Variants in SYT7 observed in about 807,000 individuals in gnomAD.
The protein encoded by SYT7 is synaptotagmin 7.
SYT7 carries 29 observed loss-of-function variants against 75.1 expected under a neutral mutation model. The ratio of observed to expected loss-of-function variants is 0.39; its 90% CI spans 0.29 to 0.53. SYT7 has a LOEUF of 0.53. Among genes scored for constraint, SYT7 ranks in the 20% least tolerant of loss-of-function variants. The probability of loss-of-function intolerance (pLI) is 0.77; values close to 1 mark genes in which losing one functional copy is unlikely to be tolerated. For synonymous variants in SYT7, 376 were observed against 401.7 expected (o/e 0.94, Z 0.76); for missense variants, 693 against 953.2 (o/e 0.73, Z 3.59).
At position 61,522,350 on chromosome 11, in the gene SYT7, C is replaced by G. The variant is rs186360151; in HGVS notation, c.1956+725G>C. 1.5e-3 allele frequency among the ~76,000 whole-genome samples: 221 copies of G among 151,938 alleles called. 1 individual carries two copies. In the Middle Eastern group the frequency reaches 0.038, roughly 26 times the overall value. On this transcript the variant is annotated intron_variant, in intron 12 of 12. Transcript: ENST00000539008. ...GATTACAGGCACCCGCCACCATGCCCGGCTAATTTTTCTATTTTTAGTAGA... is the reference window on the plus strand; with the variant it reads ...GATTACAGGCACCCGCCACCATGCCGGGCTAATTTTTCTATTTTTAGTAGA...
chr11:61,528,278 G>A (rs1038864283), intron 8 of SYT7, 93 bp from the exon 9 acceptor site: 45 of 1,480,236 alleles, frequency 3.0e-5, no homozygotes, highest in Admixed American at 1.5e-4. Context: ...GGCCAGAGGC[G>A]GTGGCCCAGC....
chr11:61,518,661 T>C lies in SYT7; in HGVS notation c.2027A>G (p.Gln676Arg). The C allele has an allele frequency of 6.5e-7, 1 of 1,549,506 alleles. No homozygotes were observed. The highest frequency in any genetic ancestry group is 8.7e-7 in the Non-Finnish European group (1 of 1,145,948). The change falls in exon 13 of 13, where the codon CAG becomes CGG. Residue 676 changes from glutamine to arginine, a missense_variant. Transcript: ENST00000539008. ...CAGCTGGTGCCACTGGGCCACGGGC[T>C]GCCGGGGACGGGCAATCATGTCCTT... The part of the protein sequence containing the change: ...HWKDMIARPR[Q>R]PVAQWHQLKA
chr11:61,546,299 G>A lies in SYT7; in HGVS notation c.348-44C>T. ...CAGCCAGGCCAGAGGGGCACCGGGG[G>A]TGGCGGTGGGGGAGAGAGGGCAGGC... On this transcript the variant is annotated intron_variant, in intron 4 of 12. Coordinates refer to ENST00000539008, the MANE Select transcript of SYT7 (RefSeq NM_001365809.2). This position sits in a 1 kb window ranked among gnomAD's most constrained non-coding sequence, Gnocchi z 7.6. The A allele has an allele frequency of 2.2e-6, 3 of 1,354,298 alleles. No individual in the cohort carries two copies. The highest frequency in any genetic ancestry group is 2.9e-6 in the Non-Finnish European group (3 of 1,041,484). 83.9% of individuals were successfully genotyped at this position (1,354,298 alleles called of 1,614,324 possible). A position where few individuals can be genotyped will look rare whatever the true frequency, so the allele number is the denominator to read the frequency against.
At chr11:61,520,384 G>A (rs2062284072) in intron 12 of SYT7, among the ~76,000 whole-genome samples, 2 of 152,122 alleles carry the variant, frequency 1.3e-5, no homozygotes, top group Admixed American at 6.5e-5. Flanking sequence ...AAATTAGCTG[G>A]GCATGGTGGT....
At chr11:61,583,510 C>T (rs2064325143), upstream of SYT7, among the ~76,000 whole-genome samples, 1 of 152,200 alleles carries the variant, frequency 6.6e-6, no homozygotes, top group South Asian at 2.1e-4. Context: ...GGAACTGACC[C>T]AGGGAGCTAA....
In SYT7 at chr11:61,515,592, C is replaced by A. The variant is rs887882345; in HGVS notation, c.*3035G>T. On this transcript the variant is annotated 3_prime_UTR_variant, in exon 13 of 13. Coordinates refer to ENST00000539008, the MANE Select transcript of SYT7 (RefSeq NM_001365809.2). The stretch of plus-strand genomic sequence containing the variant: ...GAACATACAAACAGTGGCCACCAAT[C>A]CCCACCCCTGGGGCTCCGGGGAGCC... 7.9e-5 allele frequency: 12 copies of A among 151,946 alleles called. No individual in the cohort carries two copies. Among genetic ancestry groups the A allele is most frequent in the African/African-American group, 2.9e-4 (12 of 41,222 alleles). 9.4% of individuals were successfully genotyped at this position (151,946 alleles called of 1,614,324 possible).
intron 12 of SYT7, among the ~76,000 whole-genome samples, chr11:61,521,578 G>T (rs923368942): frequency 6.6e-6 from 1 of 152,186 alleles, no homozygotes; most frequent in Non-Finnish European, 1.5e-5. Context: ...GCAAGCAGGG[G>T]AAGCTCTCCT....
chr11:61,550,299 C>T (rs2063311390), intron 3 of SYT7, among the ~76,000 whole-genome samples: 1 of 151,824 alleles, frequency 6.6e-6, no homozygotes, highest in Admixed American at 6.6e-5. Context: ...AGAAGAGGAC[C>T]TGGGAGGGAG....
In SYT7 at chr11:61,518,964, C is replaced by T. The variant is rs375647329; in HGVS notation, c.1957-233G>A. Among the ~76,000 whole-genome samples, 6 of 152,326 alleles carry T rather than the reference C, an allele frequency of 3.9e-5. No individual in the cohort carries two copies. The East Asian group carries it at 5.8e-4, about 15-fold the overall frequency. On this transcript the variant is annotated intron_variant, in intron 12 of 12. Coordinates refer to ENST00000539008, the MANE Select transcript of SYT7 (RefSeq NM_001365809.2). Reference sequence around the variant, plus strand: ...CCAAGCCTGGGCACGCCAGGCCTCTCGGAATTAGACTGCCAACCTATTTTG... The same window carrying T: ...CCAAGCCTGGGCACGCCAGGCCTCTTGGAATTAGACTGCCAACCTATTTTG...
Position 61,524,424 on chromosome 11 carries a change from T to C in SYT7, c.1580A>G (p.Lys527Arg). 3 of 1,614,040 alleles carry C rather than the reference T, an allele frequency of 1.9e-6. No homozygotes were observed. Among genetic ancestry groups the C allele is most frequent in the Non-Finnish European group, 2.5e-6 (3 of 1,179,950 alleles). ...GGTCTGCATCTGGGTCAGGTCCACC[T>C]TGTTAAGGGGGATGGACACCTCCCC... ...PIGEVSIPLN[K>R]VDLTQMQTFW... The change falls in exon 10 of 13, where the codon AAG becomes AGG. Residue 527 changes from lysine to arginine, a missense_variant. Lys to Arg is a conservative substitution (Grantham distance 26). This residue lies in a region of SYT7 where 206 missense variants were observed against 360.0 expected (regional missense o/e 0.57). Coordinates refer to ENST00000539008, the MANE Select transcript of SYT7 (RefSeq NM_001365809.2). This position sits in a 1 kb window ranked among gnomAD's most constrained non-coding sequence, Gnocchi z 4.1.
At chr11:61,573,432 G>C (rs937618727) in intron 1 of SYT7, among the ~76,000 whole-genome samples, 1 of 152,202 alleles carries the variant, frequency 6.6e-6, no homozygotes, top group Non-Finnish European at 1.5e-5. Flanking sequence ...GGACACTGCA[G>C]ATCTCCTGGC....
At chr11:61,529,910 C>T (rs996945076) in intron 8 of SYT7, among the ~76,000 whole-genome samples, 1 of 152,230 alleles carries the variant, frequency 6.6e-6, no homozygotes, top group African/African-American at 2.4e-5. Context: ...GCGGAGATTA[C>T]AGGCATGAGC....
In SYT7 at chr11:61,542,295, C is replaced by G; in HGVS notation, c.857G>C (p.Gly286Ala). The G allele has an allele frequency of 2.6e-6, 4 of 1,534,552 alleles. No homozygotes were observed. Among genetic ancestry groups the G allele is most frequent in the Non-Finnish European group, 3.5e-6 (4 of 1,146,140 alleles). Residue 286 changes from glycine to alanine, a missense_variant, in exon 6 of 13, where the codon GGG becomes GCG. Physicochemically the swap from Gly to Ala is moderately conservative, Grantham distance 60. Transcript: ENST00000539008. This position sits in a 1 kb window ranked among gnomAD's most constrained non-coding sequence, Gnocchi z 7.8. ...TSAGSKYRAA[G>A]GRSRSNPGSW... ...GCCTGGGTTGGAGCGGCTGCGGCCC[C>G]CTGCCGCCCGGTACTTGGAGCCGGC...
chr11:61,565,661 A>G (rs2063747392), intron 1 of SYT7, among the ~76,000 whole-genome samples: 1 of 152,194 alleles, frequency 6.6e-6, no homozygotes, highest in Non-Finnish European at 1.5e-5. Flanking sequence ...TGGGCCTTGG[A>G]CCTACCCCCA....
chr11:61,549,920 C>T (rs1189081969), intron 3 of SYT7, among the ~76,000 whole-genome samples: 1 of 152,140 alleles, frequency 6.6e-6, no homozygotes, highest in Non-Finnish European at 1.5e-5. Flanking sequence ...CACACGCACC[C>T]CTATCCAGGA....
At chr11:61,556,917 A>G (rs2063515492) in intron 1 of SYT7, among the ~76,000 whole-genome samples, 1 of 148,882 alleles carries the variant, frequency 6.7e-6, no homozygotes, top group African/African-American at 2.5e-5. Flanking sequence ...CCCATCTGTA[A>G]TTCCTAAATG....
At chr11:61,585,104 T>C (rs1590981662), upstream of SYT7, among the ~76,000 whole-genome samples, 1 of 152,200 alleles carries the variant, frequency 6.6e-6, no homozygotes, top group African/African-American at 2.4e-5. Context: ...CAGGAGCAGA[T>C]GCTGGGCCTG....
chr11:61,551,301 C>A lies in SYT7; in HGVS notation c.215+83G>T. Reference sequence around the variant, plus strand: ...GGGAAGTGAAAGTGTGTGGTCAGGTCTGTGGGGCTGGGGGAGAGAAGGGGC... The same window carrying A: ...GGGAAGTGAAAGTGTGTGGTCAGGTATGTGGGGCTGGGGGAGAGAAGGGGC... On this transcript the variant is annotated intron_variant, in intron 3 of 12. Transcript: ENST00000539008. This position sits in a 1 kb window ranked among gnomAD's most constrained non-coding sequence, Gnocchi z 5.3. 7.7e-7 allele frequency: 1 copy of A among 1,301,234 alleles called. No individual in the cohort carries two copies. The highest frequency in any genetic ancestry group is 1.2e-5 in the South Asian group (1 of 82,282). 80.6% of individuals were successfully genotyped at this position (1,301,234 alleles called of 1,614,324 possible). A position where few individuals can be genotyped will look rare whatever the true frequency, so the allele number is the denominator to read the frequency against.
At chr11:61,534,224 C>G (rs770125804) in intron 7 of SYT7, among the ~76,000 whole-genome samples, 1 of 152,206 alleles carries the variant, frequency 6.6e-6, no homozygotes, top group African/African-American at 2.4e-5. Flanking sequence ...GGGAGCCACA[C>G]GCTGAGGGTG....
Sources: gnomAD v4.1 joint callset for allele counts (sites outside exome capture counted in the v4.1 genomes callset) on GRCh38, gnomAD v4.1.1 for gene constraint, gnomAD v4.1.1 regional missense constraint, Gnocchi (gnomAD v3.1) non-coding constraint, MANE v1.5 for transcripts, NCBI Gene and HGNC (gene_info 2026-07-23, HGNC 2026-07-21) for gene names.